MYO16: variants seen among roughly 807,000 people sequenced by gnomAD.
MYO16 encodes the protein myosin XVI, also known as unconventional myosin-XVI.
A neutral mutation model predicts 205.3 loss-of-function variants in MYO16; 94 were observed. The observed-to-expected ratio is 0.46, with a 90% CI of 0.39 to 0.54. MYO16 has a LOEUF of 0.54. MYO16 is among the 20% of genes least tolerant of loss of function. The probability of loss-of-function intolerance (pLI) is 0.00; values close to 1 mark genes in which losing one functional copy is unlikely to be tolerated. For missense variants in MYO16, 2,315 were observed against 2,387.5 expected, an observed-to-expected ratio of 0.97 and a Z score of 0.63; for synonymous variants, 988 against 954.0, an observed-to-expected ratio of 1.04 and a Z score of -0.66.
chr13:109,161,631 C>A (rs959961876), intron 32 of MYO16, among the ~76,000 whole-genome samples: 1 of 152,122 alleles, frequency 6.6e-6, no homozygotes, highest in African/African-American at 2.4e-5. Context: ...AGTTCTTATG[C>A]CTTACGTTAA....
chr13:108,574,680 T>C, the MYO16 span, among the ~76,000 whole-genome samples: 1 of 131,792 alleles, frequency 7.6e-6, no homozygotes, highest in Non-Finnish European at 1.7e-5. Flanking sequence ...TGTGTGTGTG[T>C]GTGTGTGTGT....
At chr13:108,827,832 G>C (rs183999235) in intron 9 of MYO16, among the ~76,000 whole-genome samples, 1 of 152,068 alleles carries the variant, frequency 6.6e-6, no homozygotes, top group African/African-American at 2.4e-5. Flanking sequence ...GCCCTTTAGC[G>C]TCTGAGCATG....
At chr13:108,721,013 T>C (rs1407546442) in intron 3 of MYO16, among the ~76,000 whole-genome samples, 1 of 152,146 alleles carries the variant, frequency 6.6e-6, no homozygotes, top group East Asian at 1.9e-4. Context: ...AAATTGACAA[T>C]GCATTTTAAG....
intron 12 of MYO16, among the ~76,000 whole-genome samples, chr13:108,881,650 C>CACA (rs1273978908): frequency 5.9e-5 from 9 of 152,104 alleles, no homozygotes; most frequent in Non-Finnish European, 1.0e-4. Context: ...GTGACTCATG[C>CACA]ACAAGCTTCA....
chr13:109,157,253 A>AC (rs1878106709), intron 32 of MYO16, among the ~76,000 whole-genome samples: 1 of 97,386 alleles, frequency 1.0e-5, no homozygotes, highest in Non-Finnish European at 2.1e-5. Context: ...AAAAAAAAAA[A>AC]AAAAAAAAAA....
intron 4 of MYO16, among the ~76,000 whole-genome samples, chr13:108,746,545 AAG>A (rs1160425364): frequency 3.1e-4 from 44 of 140,706 alleles, no homozygotes; most frequent in Admixed American, 2.3e-3. Context: ...TTCTAGCATA[AAG>A]AAAAGGCGAC....
In MYO16 at chr13:109,101,382, A is replaced by G. The variant is rs574502804; in HGVS notation, c.3438+495A>G. The G allele has an allele frequency of 2.0e-5, 3 of 153,678 alleles. No individual in the cohort carries two copies. In the East Asian group the frequency reaches 5.7e-4, roughly 29 times the overall value. 9.5% of individuals were successfully genotyped at this position (153,678 alleles called of 1,614,324 possible). A position where few individuals can be genotyped will look rare whatever the true frequency, so the allele number is the denominator to read the frequency against. On this transcript the variant is annotated intron_variant, in intron 28 of 34. Coordinates refer to ENST00000457511, the MANE Select transcript of MYO16 (RefSeq NM_001198950.3). ...CCTGCCATACAGTGAAAATGTCACC[A>G]TCCTTTGAAGCCCATTTGTTGGCAA...
chr13:108,884,229 G>A (rs1286134897), intron 13 of MYO16, among the ~76,000 whole-genome samples: 1 of 152,214 alleles, frequency 6.6e-6, no homozygotes, highest in Non-Finnish European at 1.5e-5. Flanking sequence ...ATATTAAAAT[G>A]AGAGCTTATA....
At chr13:109,195,365 C>CTCT (rs888573657) in intron 34 of MYO16, among the ~76,000 whole-genome samples, 1 of 152,140 alleles carries the variant, frequency 6.6e-6, no homozygotes, top group Non-Finnish European at 1.5e-5. Context: ...GAAGGACCAA[C>CTCT]TCTTTTAAAA....
the MYO16 span, among the ~76,000 whole-genome samples, chr13:108,568,821 G>GT: frequency 1.3e-5 from 2 of 151,958 alleles, no homozygotes; most frequent in Non-Finnish European, 2.9e-5. Flanking sequence ...GAGTTTTGCG[G>GT]TTTTGTCCTT....
At chr13:109,021,150 A>T (rs79248733) in intron 23 of MYO16, among the ~76,000 whole-genome samples, 2,564 of 152,242 alleles carry the variant, frequency 0.017, 72 homozygotes, top group African/African-American at 0.059. Flanking sequence ...ATTCAGTTGT[A>T]TAGGAGAGAA....
intron 32 of MYO16, among the ~76,000 whole-genome samples, chr13:109,149,082 T>C (rs1233147680): frequency 1.3e-5 from 2 of 152,230 alleles, no homozygotes; most frequent in African/African-American, 4.8e-5. Context: ...GACAAGGCTC[T>C]GAATTATCTC....
chr13:108,959,924 G>A (rs981503206), intron 17 of MYO16, among the ~76,000 whole-genome samples: 10 of 151,716 alleles, frequency 6.6e-5, no homozygotes, highest in Non-Finnish European at 1.3e-4. Context: ...CTATCCAGAG[G>A]TGCCTATCTT....
intron 4 of MYO16, among the ~76,000 whole-genome samples, chr13:108,731,770 A>G (rs1181926206): frequency 6.6e-6 from 1 of 152,206 alleles, no homozygotes; most frequent in East Asian, 1.9e-4. Flanking sequence ...GTGTGAACAT[A>G]AGGCCTGCCC....
chr13:108,714,631 G>T (rs1419962982), intron 3 of MYO16, among the ~76,000 whole-genome samples: 13 of 133,856 alleles, frequency 9.7e-5, no homozygotes, highest in East Asian at 8.7e-4. Context: ...TAGAGAGAGA[G>T]AGATTAGATA....
At chr13:108,805,925 A>AAAATAAATAAATAAATAAATAAAT (rs113156198) in intron 6 of MYO16, among the ~76,000 whole-genome samples, 4,149 of 136,988 alleles carry the variant, frequency 0.03, 116 homozygotes, top group South Asian at 0.08. Flanking sequence ...AGTCTCTACC[A>AAAATAAATAAATAAATAAATAAAT]AAATAAATAA....
intron 2 of MYO16, among the ~76,000 whole-genome samples, chr13:108,708,369 A>T (rs1185394269): frequency 6.6e-6 from 1 of 152,204 alleles, no homozygotes; most frequent in Non-Finnish European, 1.5e-5. Context: ...AAGTCTTCAC[A>T]TTGATGTTTT....
At chr13:108,625,964 T>G (rs1879719625), upstream of MYO16, among the ~76,000 whole-genome samples, 1 of 152,238 alleles carries the variant, frequency 6.6e-6, no homozygotes, top group South Asian at 2.1e-4. Flanking sequence ...ATGAAAACAT[T>G]AAGTAGTATC....
chr13:108,774,361 G>A (rs960569268), intron 4 of MYO16, among the ~76,000 whole-genome samples: 7 of 152,264 alleles, frequency 4.6e-5, no homozygotes, highest in African/African-American at 1.7e-4. Flanking sequence ...CAACACTCCA[G>A]AAACATAGTT....
Sources: gnomAD v4.1 joint callset for allele counts (sites outside exome capture counted in the v4.1 genomes callset) on GRCh38, gnomAD v4.1.1 for gene constraint, MANE v1.5 for transcripts, NCBI Gene and HGNC (gene_info 2026-07-23, HGNC 2026-07-21) for gene names.